Variants in JAKMIP1 observed in about 807,000 individuals in gnomAD.
JAKMIP1 encodes the protein janus kinase and microtubule-interacting protein 1.
JAKMIP1 carries 33 observed loss-of-function variants against 113.0 expected under a neutral mutation model. That is an observed-to-expected ratio of 0.29 (90% CI 0.22 to 0.39). The LOEUF (loss-of-function observed/expected upper bound fraction) is 0.39, where lower values mean the gene tolerates loss of function less well. Ranked by LOEUF, JAKMIP1 falls within the 10% of genes least tolerant of loss-of-function variation. The probability of loss-of-function intolerance (pLI) is 1.00; values close to 1 mark genes in which losing one functional copy is unlikely to be tolerated. For missense variants in JAKMIP1, 813 were observed against 1,080.5 expected (o/e 0.75, Z 3.47); for synonymous variants, 480 against 459.9 (o/e 1.04, Z -0.56).
In JAKMIP1 at chr4:6,194,303, A is replaced by AT. The variant is rs1218875413; in HGVS notation, c.-148+5949dup. On this transcript the variant is annotated intron_variant, in intron 1 of 20. Coordinates refer to ENST00000409021, the MANE Select transcript of JAKMIP1 (RefSeq NM_001099433.2). This position sits in a 1 kb window ranked among gnomAD's most constrained non-coding sequence, Gnocchi z 7.4. ...TTTACAGTAAATGAATTTCACCTCA[A>AT]TTTTTTTAAGAAAAAGAAGGGGAAA... is the stretch of plus-strand genomic sequence containing the variant. Among the ~76,000 whole-genome samples, 2 of 152,054 alleles carry AT rather than the reference A, an allele frequency of 1.3e-5. No homozygotes were observed. Among genetic ancestry groups the AT allele is most frequent in the Non-Finnish European group, 2.9e-5 (2 of 68,010 alleles).
chr4:6,048,771 C>T (rs992358428), intron 16 of JAKMIP1, 86 bp downstream of exon 16: 14 of 1,159,104 alleles, frequency 1.2e-5, no homozygotes, highest in Non-Finnish European at 1.7e-5. Context: ...TGCTCCCACG[C>T]AAAGCAAGAC....
At chr4:6,066,512 C>T (rs1029838122) in intron 8 of JAKMIP1, among the ~76,000 whole-genome samples, 9 of 152,228 alleles carry the variant, frequency 5.9e-5, no homozygotes, top group South Asian at 2.1e-4. Flanking sequence ...ACGTCAGCTG[C>T]GTCCTTTATG....
chr4:6,105,730 C>A lies in JAKMIP1; in HGVS notation c.367G>T (p.Gly123Cys), dbSNP rs755744502. ...GCCGTCTTGACCTTGTCGGCCGCGCCGTCGCGCAGCACGTTCAGCGTGGCC... is the reference window on the plus strand; with the variant it reads ...GCCGTCTTGACCTTGTCGGCCGCGCAGTCGCGCAGCACGTTCAGCGTGGCC... ...LQATLNVLRDGAADKVKTALL... is the reference protein window; with the variant it reads ...LQATLNVLRDCAADKVKTALL... The change falls in exon 3 of 21, where the codon GGC becomes TGC. Residue 123 changes from glycine (G) to cysteine (C), a missense_variant. Gly to Cys is a radical substitution (Grantham distance 159). Transcript: ENST00000409021. 3.1e-6 allele frequency: 5 copies of A among 1,601,342 alleles called. No individual in the cohort carries two copies. The highest frequency in any genetic ancestry group is 2.7e-5 in the African/African-American group (2 of 74,910).
At position 6,141,310 on chromosome 4, in the gene JAKMIP1, T is replaced by C. The variant is rs976764056; in HGVS notation, c.-147-28313A>G. On this transcript the variant is annotated intron_variant, in intron 1 of 20. Coordinates refer to ENST00000409021, the MANE Select transcript of JAKMIP1 (RefSeq NM_001099433.2). The surrounding 1 kb of genome is among the most constrained non-coding windows in gnomAD (Gnocchi z 9.4). Reference sequence around the variant, plus strand: ...AATTAGCCAGGGGTGGTGGCGCGCATCTGTAATCCCAGCTACTTGACAGGC... The same window carrying C: ...AATTAGCCAGGGGTGGTGGCGCGCACCTGTAATCCCAGCTACTTGACAGGC... Among the ~76,000 whole-genome samples the C allele has an allele frequency of 1.3e-5, 2 of 151,894 alleles. No homozygotes were observed. Among genetic ancestry groups the C allele is most frequent in the Non-Finnish European group, 2.9e-5 (2 of 68,008 alleles).
intron 3 of JAKMIP1, among the ~76,000 whole-genome samples, chr4:6,096,052 G>GT (rs1488539438): frequency 4.6e-5 from 7 of 152,226 alleles, no homozygotes; most frequent in African/African-American, 1.7e-4. Context: ...GAGCTACTCA[G>GT]TGAGAAAGAA....
rs1461160891 is a variant in JAKMIP1, at chr4:6,162,051, G to C, written c.-148+38202C>G. 6.6e-6 allele frequency among the ~76,000 whole-genome samples: 1 copy of C among 150,638 alleles called. No homozygotes were observed. The highest frequency in any genetic ancestry group is 1.5e-5 in the Non-Finnish European group (1 of 68,026). On this transcript the variant is annotated intron_variant, in intron 1 of 20. Transcript: ENST00000409021. The surrounding 1 kb of genome is among the most constrained non-coding windows in gnomAD (Gnocchi z 5.6). ...GATGGAGCCGAGCAGGAAGGAAAGG[G>C]GTGGATTGCACAGGCCAGCCATGAG...
intron 1 of JAKMIP1, among the ~76,000 whole-genome samples, chr4:6,123,367 G>A (rs1208023410): frequency 2.0e-5 from 3 of 152,224 alleles, no homozygotes; most frequent in African/African-American, 4.8e-5. Context: ...GGGGCCTAAG[G>A]GACACAGGGA....
intron 1 of JAKMIP1, among the ~76,000 whole-genome samples, chr4:6,190,203 G>A (rs1192947700): frequency 2.2e-5 from 1 of 45,084 alleles, no homozygotes; most frequent in East Asian, 3.3e-4. Context: ...AGCAGGCCAT[G>A]GGGGGGGCTG....
chr4:6,123,440 T>A (rs1408804845), intron 1 of JAKMIP1, among the ~76,000 whole-genome samples: 1 of 152,098 alleles, frequency 6.6e-6, no homozygotes, highest in African/African-American at 2.4e-5. Flanking sequence ...GCAGCAAAGA[T>A]TTTCCAGAAA....
chr4:6,141,385 G>A lies in JAKMIP1; in HGVS notation c.-147-28388C>T, dbSNP rs755374363. On this transcript the variant is annotated intron_variant, in intron 1 of 20. Transcript: ENST00000409021. The surrounding 1 kb of genome is among the most constrained non-coding windows in gnomAD (Gnocchi z 9.4). Reference sequence around the variant, plus strand: ...CGGCAGGCAGAAGTTGCAGTGAGCCGAGATCCTGCTACTGCACCCCAGCCT... The same window carrying A: ...CGGCAGGCAGAAGTTGCAGTGAGCCAAGATCCTGCTACTGCACCCCAGCCT... Among the ~76,000 whole-genome samples the A allele has an allele frequency of 1.3e-4, 19 of 151,682 alleles. No individual in the cohort carries two copies. The highest frequency in any genetic ancestry group is 1.2e-3 in the East Asian group (6 of 5,196).
chr4:6,086,422 T>C lies in JAKMIP1; in HGVS notation c.625-793A>G, dbSNP rs114369204. 0.011 allele frequency among the ~76,000 whole-genome samples: 1,608 copies of C among 151,876 alleles called. 12 individuals are homozygous for C. The highest frequency in any genetic ancestry group is 0.027 in the Middle Eastern group (8 of 294). ...GAACCAGCTGGCTGCCTGACACCTC[T>C]GCTTGGATCTCGGAGGGACCACAGC... is the stretch of plus-strand genomic sequence containing the variant. On this transcript the variant is annotated intron_variant, in intron 3 of 20. Transcript: ENST00000409021. This position sits in a 1 kb window ranked among gnomAD's most constrained non-coding sequence, Gnocchi z 4.1.
At position 6,049,455 on chromosome 4, in the gene JAKMIP1, A is replaced by T. The variant is rs1385136034; in HGVS notation, c.1962+364T>A. Among the ~76,000 whole-genome samples the T allele has an allele frequency of 1.3e-5, 2 of 152,124 alleles. No homozygotes were observed. The highest frequency in any genetic ancestry group is 6.6e-5 in the Admixed American group (1 of 15,258). ...GTCCCTCTGGTTGGGGACATTTCAC[A>T]GAGTGGCACTAAGCTTTTGTGAAAC... On this transcript the variant is annotated intron_variant, in intron 15 of 20. Coordinates refer to ENST00000409021, the MANE Select transcript of JAKMIP1 (RefSeq NM_001099433.2). The surrounding 1 kb of genome is among the most constrained non-coding windows in gnomAD (Gnocchi z 7.0).
At chr4:6,062,884 C>T (rs1030966307) in intron 9 of JAKMIP1, among the ~76,000 whole-genome samples, 3 of 152,238 alleles carry the variant, frequency 2.0e-5, no homozygotes, top group Non-Finnish European at 1.5e-5. Flanking sequence ...TGGTGGCTCA[C>T]GCCTGTAATC....
At chr4:6,145,813 G>A (rs1211040698) in intron 1 of JAKMIP1, among the ~76,000 whole-genome samples, 4 of 152,070 alleles carry the variant, frequency 2.6e-5, no homozygotes, top group Non-Finnish European at 4.4e-5. Flanking sequence ...TCTTCACATG[G>A]TCATCCCTCT....
chr4:6,079,128 A>G (rs137993031), intron 7 of JAKMIP1, 130 bp from the exon 8 acceptor site: 1 of 823,230 alleles, frequency 1.2e-6, no homozygotes, highest in Non-Finnish European at 2.0e-6. Context: ...CTAAGTGCCC[A>G]AGTGATGGCT....
chr4:6,061,618 G>C lies in JAKMIP1; in HGVS notation c.1560+694C>G, dbSNP rs1376948108. Reference sequence around the variant, plus strand: ...TGGGTATTTGGGGGCAAGTTGCTCAGTTCTGAGCCTGTTTCCTCATTCGGA... The same window carrying C: ...TGGGTATTTGGGGGCAAGTTGCTCACTTCTGAGCCTGTTTCCTCATTCGGA... On this transcript the variant is annotated intron_variant, in intron 10 of 20. Coordinates refer to ENST00000409021, the MANE Select transcript of JAKMIP1 (RefSeq NM_001099433.2). This position sits in a 1 kb window ranked among gnomAD's most constrained non-coding sequence, Gnocchi z 5.3. Among the ~76,000 whole-genome samples the C allele has an allele frequency of 3.3e-5, 5 of 151,872 alleles. No homozygotes were observed. Among genetic ancestry groups the C allele is most frequent in the Non-Finnish European group, 7.4e-5 (5 of 67,978 alleles).
In JAKMIP1 at chr4:6,060,852, C is replaced by A. The variant is rs556600453; in HGVS notation, c.1561-345G>T. 6.6e-5 allele frequency among the ~76,000 whole-genome samples: 10 copies of A among 152,384 alleles called. No individual in the cohort carries two copies. The East Asian group carries it at 1.7e-3, about 26-fold the overall frequency. Reference sequence around the variant, plus strand: ...TGGGGGCCCAGGCCCAGCTCTCTGACCAAGTCCAATCCTTACTGAACCTGA... The same window carrying A: ...TGGGGGCCCAGGCCCAGCTCTCTGAACAAGTCCAATCCTTACTGAACCTGA... On this transcript the variant is annotated intron_variant, in intron 10 of 20. Transcript: ENST00000409021.
In JAKMIP1 at chr4:6,126,596, AACAC is replaced by A. The variant is rs201384695; in HGVS notation, c.-147-13603_-147-13600del. Among the ~76,000 whole-genome samples the A allele has an allele frequency of 5.2e-5, 7 of 134,220 alleles. No individual in the cohort carries two copies. In the East Asian group the frequency reaches 1.4e-3, roughly 27 times the overall value. 88.1% of individuals were successfully genotyped at this position (134,220 alleles called of 152,430 possible). Reference sequence around the variant, plus strand: ...CTCACACGCACACACACCATGCAGAAACACACACACCATGCAGAAACACACACAC... The same window carrying A: ...CTCACACGCACACACACCATGCAGAAACACACCATGCAGAAACACACACAC... On this transcript the variant is annotated intron_variant, in intron 1 of 20. Coordinates refer to ENST00000409021, the MANE Select transcript of JAKMIP1 (RefSeq NM_001099433.2).
chr4:6,079,630 C>A (rs575304624), intron 7 of JAKMIP1, among the ~76,000 whole-genome samples: 11 of 152,294 alleles, frequency 7.2e-5, no homozygotes, highest in Non-Finnish European at 1.5e-4. Context: ...CTGTGGAATT[C>A]TCTGGATGCA....
Sources: gnomAD v4.1 joint callset for allele counts (sites outside exome capture counted in the v4.1 genomes callset) on GRCh38, gnomAD v4.1.1 for gene constraint, Gnocchi (gnomAD v3.1) non-coding constraint, MANE v1.5 for transcripts, NCBI Gene and HGNC (gene_info 2026-07-23, HGNC 2026-07-21) for gene names.